CRYL1: variants seen among roughly 807,000 people sequenced by gnomAD.
The protein encoded by CRYL1 is lambda-crystallin homolog.
Under a neutral mutation model 36.6 loss-of-function variants are expected in CRYL1, and 29 were observed. The observed-to-expected ratio is 0.79, with a 90% CI of 0.59 to 1.08. The LOEUF (loss-of-function observed/expected upper bound fraction) is 1.08. Among genes scored for constraint, CRYL1 ranks in the 50% least tolerant of loss-of-function variants. The pLI is 0.00. For synonymous variants in CRYL1, 152 were observed against 151.5 expected (o/e 1.00, Z -0.02); for missense variants, 411 against 407.9 (o/e 1.01, Z -0.06).
intron 2 of CRYL1, among the ~76,000 whole-genome samples, chr13:20,511,153 T>G (rs1177190530): frequency 6.6e-6 from 1 of 152,122 alleles, no homozygotes; most frequent in Non-Finnish European, 1.5e-5. Context: ...GGTGCAATCA[T>G]AGCTCACTGT....
chr13:20,424,093 A>G (rs1282523010), intron 5 of CRYL1, among the ~76,000 whole-genome samples: 1 of 152,102 alleles, frequency 6.6e-6, no homozygotes, highest in Non-Finnish European at 1.5e-5. Context: ...ATATAGTTCT[A>G]GGGCTCCTCA....
intron 2 of CRYL1, among the ~76,000 whole-genome samples, chr13:20,498,840 T>C (rs1271895348): frequency 6.6e-6 from 1 of 152,232 alleles, no homozygotes; most frequent in Non-Finnish European, 1.5e-5. Context: ...TTTTGTATTA[T>C]AATTTTGGCC....
In CRYL1 at chr13:20,438,237, C is replaced by T. The variant is rs111298793; in HGVS notation, c.438+1356G>A. Among the ~76,000 whole-genome samples the T allele has an allele frequency of 2.4e-3, 363 of 152,238 alleles. 2 individuals carry two copies. Among genetic ancestry groups the T allele is most frequent in the African/African-American group, 8.0e-3 (333 of 41,530 alleles). On this transcript the variant is annotated intron_variant, in intron 4 of 7. Transcript: ENST00000298248. The stretch of plus-strand genomic sequence containing the variant: ...AAAACCTGGTGGGCATCTACAGATC[C>T]GGTAGGAGTCTGTTACCTCCACATT...
At chr13:20,474,514 A>C (rs2033125750) in intron 3 of CRYL1, among the ~76,000 whole-genome samples, 1 of 152,350 alleles carries the variant, frequency 6.6e-6, no homozygotes, top group African/African-American at 2.4e-5. Context: ...GACAAGATGC[A>C]TAATTACTGC....
intron 3 of CRYL1, among the ~76,000 whole-genome samples, chr13:20,461,229 T>G (rs912256376): frequency 6.6e-6 from 1 of 152,246 alleles, no homozygotes; most frequent in African/African-American, 2.4e-5. Flanking sequence ...ATGCAGACAC[T>G]GCAAACATTT....
At chr13:20,513,434 C>T (rs536927911) in intron 1 of CRYL1, 3 of 152,430 alleles carry the variant, frequency 2.0e-5, no homozygotes, top group South Asian at 2.1e-4. Flanking sequence ...CACCATCAAA[C>T]ATACCACAGG....
intron 3 of CRYL1, among the ~76,000 whole-genome samples, chr13:20,459,427 T>C (rs755759853): frequency 1.3e-5 from 2 of 151,846 alleles, no homozygotes; most frequent in African/African-American, 2.4e-5. Flanking sequence ...CTATTCAAAA[T>C]AGCAAAGACA....
At chr13:20,478,343 T>C (rs2033206405) in intron 3 of CRYL1, among the ~76,000 whole-genome samples, 1 of 152,190 alleles carries the variant, frequency 6.6e-6, no homozygotes, top group African/African-American at 2.4e-5. Flanking sequence ...CTACAACTTT[T>C]AAAGCAGAAG....
chr13:20,431,297 G>C, intron 5 of CRYL1: 1 of 985,424 alleles, frequency 1.0e-6, no homozygotes, highest in Non-Finnish European at 1.2e-6. Context: ...ACTCGAGCCC[G>C]AGCAGCGTCC....
At chr13:20,521,230 A>T (rs779897796) in intron 1 of CRYL1, among the ~76,000 whole-genome samples, 10 of 152,266 alleles carry the variant, frequency 6.6e-5, no homozygotes, top group Non-Finnish European at 1.5e-4. Flanking sequence ...AAAATCAGTA[A>T]GAGGCACTAT....
chr13:20,408,579 G>A (rs1020462674), intron 6 of CRYL1, among the ~76,000 whole-genome samples: 8 of 152,178 alleles, frequency 5.3e-5, no homozygotes, highest in African/African-American at 1.7e-4. Context: ...GGTTCCAGAG[G>A]CTTCTCCATG....
In CRYL1 at chr13:20,435,869, G is replaced by T. The variant is rs1485196194; in HGVS notation, c.439-3573C>A. Among the ~76,000 whole-genome samples, 1 of 152,174 alleles carries T rather than the reference G, an allele frequency of 6.6e-6. No homozygotes were observed. Among genetic ancestry groups the T allele is most frequent in the African/African-American group, 2.4e-5 (1 of 41,452 alleles). On this transcript the variant is annotated intron_variant, in intron 4 of 7. Transcript: ENST00000298248. The surrounding 1 kb of genome is among the most constrained non-coding windows in gnomAD (Gnocchi z 4.0). The stretch of plus-strand genomic sequence containing the variant: ...CAGGGCCGACAGCGCCCTCGCGGGA[G>T]GCAGCCGGGCTGGGGCCTCTTGCCA...
rs191800761 is a variant in CRYL1 at position 20,510,592 on chromosome 13, G to A, written c.149+1851C>T. On this transcript the variant is annotated intron_variant, in intron 2 of 7. Transcript: ENST00000298248. ...GTATACATTTCTCCAAATCCATAGA[G>A]TGTAAACACCAAGTGAATCTTTTTT... Among the ~76,000 whole-genome samples the A allele has an allele frequency of 2.7e-5, 4 of 148,270 alleles. No individual in the cohort carries two copies. The East Asian group carries it at 8.1e-4, about 30-fold the overall frequency.
intron 7 of CRYL1, 149 bp downstream of exon 7, chr13:20,404,486 T>G (rs948523659): frequency 4.6e-6 from 3 of 650,340 alleles, no homozygotes; most frequent in Non-Finnish European, 8.2e-6. Context: ...GATGGAAGTA[T>G]GAACAAAGTT....
chr13:20,431,434 C>G, intron 5 of CRYL1: 2 of 985,448 alleles, frequency 2.0e-6, no homozygotes, highest in Non-Finnish European at 2.4e-6. Context: ...GGAGGCCGGA[C>G]AGTTCCACTC....
At chr13:20,480,376 C>T (rs2033252189) in intron 3 of CRYL1, among the ~76,000 whole-genome samples, 3 of 147,682 alleles carry the variant, frequency 2.0e-5, no homozygotes, top group African/African-American at 7.8e-5. Flanking sequence ...GAATGAAACT[C>T]TGTCTCAAAA....
At chr13:20,463,727 A>G (rs2032877575) in intron 3 of CRYL1, among the ~76,000 whole-genome samples, 1 of 152,212 alleles carries the variant, frequency 6.6e-6, no homozygotes, top group Non-Finnish European at 1.5e-5. Flanking sequence ...GGAAAAACTA[A>G]ATAATCTGAT....
intron 2 of CRYL1, among the ~76,000 whole-genome samples, chr13:20,493,218 C>T (rs544242036): frequency 2.6e-5 from 4 of 152,356 alleles, no homozygotes; most frequent in African/African-American, 7.2e-5. Context: ...CCATTACCTT[C>T]TTGCCATGTG....
At chr13:20,499,962 G>A (rs1230718433) in intron 2 of CRYL1, among the ~76,000 whole-genome samples, 1 of 152,100 alleles carries the variant, frequency 6.6e-6, no homozygotes, top group African/African-American at 2.4e-5. Flanking sequence ...TACTGTCCAG[G>A]GCTTGTTTCT....
Sources: allele counts gnomAD v4.1 joint callset (sites outside exome capture counted in the v4.1 genomes callset), GRCh38; gene constraint gnomAD v4.1.1; non-coding constraint Gnocchi (gnomAD v3.1); transcripts MANE v1.5; gene names NCBI Gene and HGNC (gene_info 2026-07-23, HGNC 2026-07-21).